The following MOB3B variants were observed in gnomAD, a reference collection of about 807,000 sequenced individuals.
MOB3B encodes the protein MOB kinase activator-like 2B.
A neutral mutation model predicts 18.7 loss-of-function variants in MOB3B; 7 were observed. The ratio of observed to expected loss-of-function variants is 0.37; its 90% CI spans 0.21 to 0.70. The LOEUF is 0.70. MOB3B is among the 30% of genes least tolerant of loss of function. The probability of loss-of-function intolerance (pLI) is 0.52; values close to 1 mark genes in which losing one functional copy is unlikely to be tolerated. For synonymous variants in MOB3B, 111 were observed against 99.9 expected (o/e 1.11, Z -0.66); for missense variants, 253 against 281.3 (o/e 0.90, Z 0.72).
At chr9:27,413,249 G>T (rs137975810) in intron 2 of MOB3B, among the ~76,000 whole-genome samples, 1 of 152,140 alleles carries the variant, frequency 6.6e-6, no homozygotes, top group Non-Finnish European at 1.5e-5. Flanking sequence ...GGGGCAAAGG[G>T]ACAGGGAGGA....
chr9:27,379,388 T>G (rs1339394567), intron 2 of MOB3B, among the ~76,000 whole-genome samples: 1 of 152,184 alleles, frequency 6.6e-6, no homozygotes, highest in Non-Finnish European at 1.5e-5. Flanking sequence ...GGGGTGACAG[T>G]GCTGGTGACA....
chr9:27,467,200 G>C (rs1819397667), intron 1 of MOB3B, among the ~76,000 whole-genome samples: 2 of 152,146 alleles, frequency 1.3e-5, no homozygotes, highest in South Asian at 4.1e-4. Context: ...ACTGAAAAGA[G>C]GTCTACCTTT....
At chr9:27,375,026 G>A (rs991114241) in intron 2 of MOB3B, among the ~76,000 whole-genome samples, 1 of 152,188 alleles carries the variant, frequency 6.6e-6, no homozygotes. Flanking sequence ...CCACCATGGG[G>A]CCACCCCAGA....
At chr9:27,455,071 C>T in intron 2 of MOB3B, 62 bp downstream of exon 2, 1 of 1,592,320 alleles carries the variant, frequency 6.3e-7, no homozygotes, top group African/African-American at 1.3e-5. Flanking sequence ...AGGCAGTCTG[C>T]AAATTTTCAT....
At chr9:27,447,134 T>C (rs1587221569) in intron 2 of MOB3B, among the ~76,000 whole-genome samples, 1 of 152,166 alleles carries the variant, frequency 6.6e-6, no homozygotes, top group East Asian at 1.9e-4. Context: ...CATGGGGGTG[T>C]AAGGCAGGCT....
intron 1 of MOB3B, among the ~76,000 whole-genome samples, chr9:27,461,604 G>A (rs150684233): frequency 2.5e-4 from 38 of 152,334 alleles, no homozygotes; most frequent in African/African-American, 6.3e-4. Flanking sequence ...AGGTGTAACC[G>A]TACAGAAGTC....
intron 2 of MOB3B, among the ~76,000 whole-genome samples, chr9:27,390,961 C>G (rs1410527985): frequency 6.6e-6 from 1 of 152,206 alleles, no homozygotes; most frequent in African/African-American, 2.4e-5. Flanking sequence ...TGCTGGCATC[C>G]TGATCTTGGC....
intron 2 of MOB3B, among the ~76,000 whole-genome samples, chr9:27,376,010 G>T (rs1384964380): frequency 2.0e-5 from 3 of 152,138 alleles, no homozygotes; most frequent in African/African-American, 7.2e-5. Context: ...ATCCCATCAA[G>T]AAATAATCAC....
chr9:27,458,020 G>A (rs1464413132), intron 1 of MOB3B, among the ~76,000 whole-genome samples: 1 of 152,154 alleles, frequency 6.6e-6, no homozygotes, highest in Non-Finnish European at 1.5e-5. Context: ...AGAAAGGGTG[G>A]TGAGGACTTG....
chr9:27,379,422 G>A (rs546636787), intron 2 of MOB3B, among the ~76,000 whole-genome samples: 4 of 152,072 alleles, frequency 2.6e-5, no homozygotes, highest in African/African-American at 7.2e-5. Context: ...ATTACTGAGG[G>A]TTTACTCTGA....
intron 2 of MOB3B, among the ~76,000 whole-genome samples, chr9:27,368,770 C>A (rs1045674304): frequency 6.6e-6 from 1 of 152,192 alleles, no homozygotes; most frequent in African/African-American, 2.4e-5. Flanking sequence ...AGTCTTAATT[C>A]TTTCAGACAT....
At chr9:27,487,094 G>T (rs1254171966) in intron 1 of MOB3B, among the ~76,000 whole-genome samples, 2 of 148,034 alleles carry the variant, frequency 1.4e-5, no homozygotes, top group East Asian at 4.0e-4. Context: ...TCTCACCATT[G>T]CACTCCAGCC....
intron 1 of MOB3B, among the ~76,000 whole-genome samples, chr9:27,510,187 A>G (rs1343649620): frequency 1.3e-5 from 2 of 152,252 alleles, no homozygotes; most frequent in Non-Finnish European, 2.9e-5. Context: ...AGAAAGGGGG[A>G]AGACAACAAA....
In MOB3B at chr9:27,452,347, A is replaced by G. The variant is rs1370677131; in HGVS notation, c.418+2786T>C. Among the ~76,000 whole-genome samples, 6 of 152,208 alleles carry G rather than the reference A, an allele frequency of 3.9e-5. No individual in the cohort carries two copies. In the East Asian group the frequency reaches 1.2e-3, roughly 29 times the overall value. ...ATGGATGAAAGCCTTCACAGAGGAC[A>G]TGGTATCTGAGCTGAACCTCAAAGG... is the stretch of plus-strand genomic sequence containing the variant. On this transcript the variant is annotated intron_variant, in intron 2 of 3. Coordinates refer to ENST00000262244, the MANE Select transcript of MOB3B (RefSeq NM_024761.5).
At chr9:27,500,991 TG>T (rs780208387) in intron 1 of MOB3B, among the ~76,000 whole-genome samples, 4 of 151,160 alleles carry the variant, frequency 2.6e-5, no homozygotes, top group Non-Finnish European at 4.4e-5. Flanking sequence ...AACAAACATA[TG>T]AAAAAAAAAC....
intron 2 of MOB3B, among the ~76,000 whole-genome samples, chr9:27,364,168 A>G (rs754370975): frequency 1.3e-5 from 2 of 152,222 alleles, no homozygotes; most frequent in Non-Finnish European, 2.9e-5. Context: ...TCGAACGGAC[A>G]CTTGGCTAGC....
At chr9:27,522,917 A>C (rs1290766021) in intron 1 of MOB3B, among the ~76,000 whole-genome samples, 1 of 150,452 alleles carries the variant, frequency 6.6e-6, no homozygotes, top group Non-Finnish European at 1.5e-5. Flanking sequence ...AGAATAATAT[A>C]TATATATATA....
chr9:27,463,321 A>G (rs1461319705), intron 1 of MOB3B, among the ~76,000 whole-genome samples: 5 of 152,208 alleles, frequency 3.3e-5, no homozygotes, highest in African/African-American at 7.2e-5. Context: ...GGAAACTGAG[A>G]CACAGTGAGA....
chr9:27,514,330 A>G (rs1820196087), intron 1 of MOB3B, among the ~76,000 whole-genome samples: 1 of 146,876 alleles, frequency 6.8e-6, no homozygotes, highest in East Asian at 2.0e-4. Context: ...TCAACGCAGA[A>G]TAAGACCACA....
Sources: allele counts gnomAD v4.1 joint callset (sites outside exome capture counted in the v4.1 genomes callset), GRCh38; gene constraint gnomAD v4.1.1; transcripts MANE v1.5; gene names NCBI Gene and HGNC (gene_info 2026-07-23, HGNC 2026-07-21).